Variants in WWOX observed in about 807,000 individuals in gnomAD.
WWOX encodes WW domain containing oxidoreductase.
WWOX carries 69 observed loss-of-function variants against 46.2 expected under a neutral mutation model. The ratio of observed to expected loss-of-function variants is 1.49; its 90% CI spans 1.23 to 1.82. WWOX has a LOEUF of 1.82. Ranked by LOEUF, WWOX falls within the 40% of genes most tolerant of loss-of-function variation. The probability of loss-of-function intolerance (pLI) is 0.00; values close to 1 mark genes in which losing one functional copy is unlikely to be tolerated. For synonymous variants in WWOX, 359 were observed against 202.6 expected (o/e 1.77, Z -6.56); for missense variants, 919 against 542.6 (o/e 1.69, Z -6.89).
At chr16:78,505,114 C>G (rs998902575) in intron 8 of WWOX, among the ~76,000 whole-genome samples, 3 of 152,272 alleles carry the variant, frequency 2.0e-5, no homozygotes, top group East Asian at 3.9e-4. Flanking sequence ...TTAGAGCGTT[C>G]ACACCAGGCA....
At chr16:78,755,589 C>A (rs1024861318) in intron 8 of WWOX, among the ~76,000 whole-genome samples, 1 of 152,184 alleles carries the variant, frequency 6.6e-6, no homozygotes, top group Admixed American at 6.5e-5. Flanking sequence ...CGAAGCCTCT[C>A]AGTGCCACAC....
intron 8 of WWOX, among the ~76,000 whole-genome samples, chr16:78,482,773 G>A (rs1759672569): frequency 6.6e-6 from 1 of 152,168 alleles, no homozygotes; most frequent in Admixed American, 6.5e-5. Context: ...TGTTGTACGA[G>A]AGTCAACGAT....
At chr16:78,586,324 C>T (rs552902316) in intron 8 of WWOX, among the ~76,000 whole-genome samples, 42 of 152,218 alleles carry the variant, frequency 2.8e-4, no homozygotes, top group East Asian at 5.8e-4. Flanking sequence ...GGTGCCAGGA[C>T]GCCATGAAAT....
At chr16:78,258,418 A>G (rs1003264216) in intron 5 of WWOX, among the ~76,000 whole-genome samples, 1 of 152,190 alleles carries the variant, frequency 6.6e-6, no homozygotes, top group Non-Finnish European at 1.5e-5. Context: ...TGTGAAAACT[A>G]AAATGCCTTC....
At chr16:78,594,658 C>G (rs2738543) in intron 8 of WWOX, among the ~76,000 whole-genome samples, 1 of 152,062 alleles carries the variant, frequency 6.6e-6, no homozygotes, top group Non-Finnish European at 1.5e-5. Flanking sequence ...CTGTATTTCT[C>G]AGGGCAGCGT....
At chr16:78,976,109 C>T (rs527955323) in intron 8 of WWOX, among the ~76,000 whole-genome samples, 19 of 152,338 alleles carry the variant, frequency 1.2e-4, no homozygotes, top group South Asian at 1.2e-3. Flanking sequence ...TTCAAGCTCA[C>T]GTCTTTGTTG....
At chr16:79,093,146 C>T (rs2048998804) in intron 8 of WWOX, among the ~76,000 whole-genome samples, 1 of 152,020 alleles carries the variant, frequency 6.6e-6, no homozygotes, top group Non-Finnish European at 1.5e-5. Context: ...AAAAGAATGA[C>T]ACTTCTAAAG....
chr16:78,246,242 A>C (rs77945293), intron 5 of WWOX, among the ~76,000 whole-genome samples: 6,350 of 152,304 alleles, frequency 0.042, 201 homozygotes, highest in African/African-American at 0.091. Context: ...AATACAACCT[A>C]TTTAAATCAT....
chr16:78,921,679 C>G (rs991924497), intron 8 of WWOX, among the ~76,000 whole-genome samples: 2 of 152,124 alleles, frequency 1.3e-5, no homozygotes, highest in African/African-American at 2.4e-5. Flanking sequence ...CCTGGCAACT[C>G]CTTCTGAGTA....
At chr16:79,187,157 G>A (rs1041985148) in intron 8 of WWOX, among the ~76,000 whole-genome samples, 2 of 152,130 alleles carry the variant, frequency 1.3e-5, no homozygotes, top group African/African-American at 4.8e-5. Context: ...CACCACTTAC[G>A]AATTGAATGA....
At chr16:78,546,381 C>A (rs572455337) in intron 8 of WWOX, among the ~76,000 whole-genome samples, 1 of 151,946 alleles carries the variant, frequency 6.6e-6, no homozygotes, top group Admixed American at 6.6e-5. Flanking sequence ...CAACAGGTTT[C>A]GGGACTTGAA....
chr16:79,081,898 G>A (rs367755183), intron 8 of WWOX, among the ~76,000 whole-genome samples: 2 of 152,100 alleles, frequency 1.3e-5, no homozygotes, highest in Non-Finnish European at 2.9e-5. Flanking sequence ...ACTCTGATGG[G>A]CGAGTTCACT....
chr16:78,421,442 C>T (rs888773990), intron 6 of WWOX, among the ~76,000 whole-genome samples: 10 of 152,154 alleles, frequency 6.6e-5, no homozygotes, highest in Non-Finnish European at 1.2e-4. Flanking sequence ...ATAGGCCTGT[C>T]ATTGGATTTA....
chr16:78,390,823 G>C (rs2082160194), intron 6 of WWOX, among the ~76,000 whole-genome samples: 1 of 152,200 alleles, frequency 6.6e-6, no homozygotes, highest in Non-Finnish European at 1.5e-5. Context: ...AAGGCTGCCA[G>C]TTCAGAACCA....
At chr16:78,599,256 C>T (rs56387160) in intron 8 of WWOX, among the ~76,000 whole-genome samples, 2,014 of 152,328 alleles carry the variant, frequency 0.013, 41 homozygotes, top group African/African-American at 0.046. Flanking sequence ...AAATTCTCAG[C>T]TGGTCTAGCT....
chr16:79,025,687 C>T (rs993056515), intron 8 of WWOX, among the ~76,000 whole-genome samples: 8 of 152,140 alleles, frequency 5.3e-5, no homozygotes, highest in Non-Finnish European at 7.3e-5. Context: ...TTTAAGCTAC[C>T]ACACAGATGC....
chr16:78,932,872 C>T (rs888619649), intron 8 of WWOX, among the ~76,000 whole-genome samples: 1 of 152,172 alleles, frequency 6.6e-6, no homozygotes, highest in African/African-American at 2.4e-5. Context: ...GCACCCTTGT[C>T]TGGAAGACAG....
chr16:78,999,889 CT>C (rs2047060934), intron 8 of WWOX, among the ~76,000 whole-genome samples: 1 of 152,094 alleles, frequency 6.6e-6, no homozygotes, highest in African/African-American at 2.4e-5. Flanking sequence ...AAAAGAGTTA[CT>C]GTAATGATTA....
intron 6 of WWOX, among the ~76,000 whole-genome samples, chr16:78,419,532 G>C (rs137917031): frequency 7.0e-6 from 1 of 143,774 alleles, no homozygotes; most frequent in East Asian, 2.2e-4. Flanking sequence ...ATTCAAAATA[G>C]TCTTTTCAAC....
Sources: gnomAD v4.1 joint callset for allele counts (sites outside exome capture counted in the v4.1 genomes callset) on GRCh38, gnomAD v4.1.1 for gene constraint, MANE v1.5 for transcripts, NCBI Gene and HGNC (gene_info 2026-07-23, HGNC 2026-07-21) for gene names.